LRIG2: variants seen among roughly 807,000 people sequenced by gnomAD.
LRIG2 encodes the protein leucine rich repeats and immunoglobulin like domains 2, also known as leucine-rich repeats and immunoglobulin-like domains protein 2.
LRIG2 carries 93 observed loss-of-function variants against 107.8 expected under a neutral mutation model. The ratio of observed to expected loss-of-function variants is 0.86; its 90% confidence interval spans 0.73 to 1.03. The LOEUF (loss-of-function observed/expected upper bound fraction) is 1.03, where lower values mean the gene tolerates loss of function less well. Ranked by LOEUF, LRIG2 falls within the 50% of genes least tolerant of loss-of-function variation. The pLI is 0.00. For synonymous variants in LRIG2, 471 were observed against 470.6 expected (o/e 1.00, Z -0.01); for missense variants, 1,226 against 1,296.0 (o/e 0.95, Z 0.83).
At chr1:113,110,622 G>C in intron 13 of LRIG2, 60 bp downstream of exon 13, 1 of 1,229,576 alleles carries the variant, frequency 8.1e-7, no homozygotes, top group South Asian at 1.4e-5. Context: ...GTTCAGTTTT[G>C]AATCACTTGA....
At position 113,114,473 on chromosome 1, in the gene LRIG2, A is replaced by G; in HGVS notation, c.2127A>G (p.Arg709=). The change falls in exon 15 of 18, where the codon CGA becomes CGG. Residue 709 remains arginine (R), a synonymous_variant. Transcript: ENST00000361127. ...IRPLEDKTVT[R]GETAVLQCIA... ...CCCTGGAGGATAAGACAGTAACACG[A>G]GGTGAAACTGCGGTGTTACAGTGCA... 1 of 1,613,562 alleles carries G rather than the reference A, an allele frequency of 6.2e-7. No individual in the cohort carries two copies. Among genetic ancestry groups the G allele is most frequent in the South Asian group, 1.1e-5 (1 of 91,028 alleles).
chr1:113,131,558 G>A lies in LRIG2; in HGVS notation c.*7457G>A, dbSNP rs939690515. 1.3e-5 allele frequency: 2 copies of A among 152,034 alleles called. No homozygotes were observed. The highest frequency in any genetic ancestry group is 6.6e-5 in the Admixed American group (1 of 15,266). 9.4% of individuals were successfully genotyped at this position (152,034 alleles called of 1,614,324 possible). ...AAGTAATGTTTCATTTTTCTATTACGTGATCTCTTTGCCCATACAGTTGGC... is the reference window on the plus strand; with the variant it reads ...AAGTAATGTTTCATTTTTCTATTACATGATCTCTTTGCCCATACAGTTGGC... On this transcript the variant is annotated 3_prime_UTR_variant, in exon 18 of 18. Coordinates refer to ENST00000361127, the MANE Select transcript of LRIG2 (RefSeq NM_014813.3).
Position 113,095,993 on chromosome 1 carries a change from A to T in LRIG2, c.923A>T (p.Glu308Val), listed in dbSNP as rs779850544. The T allele has an allele frequency of 6.2e-7, 1 of 1,614,216 alleles. No homozygotes were observed. Among genetic ancestry groups the T allele is most frequent in the South Asian group, 1.1e-5 (1 of 91,086 alleles). The change falls in exon 7 of 18, where the codon GAG becomes GTG. Residue 308 changes from glutamate (E) to valine (V), a missense_variant. Glu to Val is a moderately radical substitution (Grantham distance 121). Around this residue, in one of 3 missense-constraint regions of LRIG2, gnomAD observed 570 missense variants for 550.2 expected, o/e 1.04. Coordinates refer to ENST00000361127, the MANE Select transcript of LRIG2 (RefSeq NM_014813.3). ...AIERISPDAW[E>V]FCQRLSELDL... ...GAAAGAATCAGCCCTGATGCATGGG[A>T]GTTCTGCCAAAGACTATCCGAACTG...
intron 2 of LRIG2, among the ~76,000 whole-genome samples, 181 bp downstream of exon 2, chr1:113,091,564 G>T (rs1402711482): frequency 6.6e-6 from 1 of 152,162 alleles, no homozygotes; most frequent in Non-Finnish European, 1.5e-5. Flanking sequence ...GACTGTCTTG[G>T]CATTGGGTTG....
chr1:113,084,306 C>T (rs927034775), intron 1 of LRIG2, among the ~76,000 whole-genome samples: 2 of 148,982 alleles, frequency 1.3e-5, no homozygotes, highest in Non-Finnish European at 1.5e-5. Context: ...ACCTCTGCCT[C>T]CCGGGTTCAC....
At chr1:113,086,701 A>G (rs1325524133) in intron 1 of LRIG2, among the ~76,000 whole-genome samples, 1 of 152,224 alleles carries the variant, frequency 6.6e-6, no homozygotes, top group Non-Finnish European at 1.5e-5. Flanking sequence ...AAACGACTAC[A>G]TTAATGGCAC....
At chr1:113,090,032 G>T (rs1653734069) in intron 1 of LRIG2, among the ~76,000 whole-genome samples, 1 of 151,620 alleles carries the variant, frequency 6.6e-6, no homozygotes, top group Non-Finnish European at 1.5e-5. Flanking sequence ...CCCTATCAAG[G>T]ATGTGGTCAA....
At chr1:113,079,608 G>A (rs1453206026) in intron 1 of LRIG2, among the ~76,000 whole-genome samples, 36 of 150,164 alleles carry the variant, frequency 2.4e-4, no homozygotes, top group Middle Eastern at 3.4e-3. Context: ...GCTTGAGCCC[G>A]GGAGGCAGAG....
At chr1:113,098,597 G>A in intron 8 of LRIG2, 108 bp from the exon 9 acceptor site, 1 of 687,078 alleles carries the variant, frequency 1.5e-6, no homozygotes, top group East Asian at 2.5e-5. Flanking sequence ...GTTAAAGTAA[G>A]GATCAGAATT....
chr1:113,098,587 G>T, intron 8 of LRIG2, 118 bp from the exon 9 acceptor site: 1 of 660,432 alleles, frequency 1.5e-6, no homozygotes. Context: ...ATAAATAACT[G>T]TTAAAGTAAG....
chr1:113,083,992 TAAAGTATAATA>T (rs2101021648), intron 1 of LRIG2, among the ~76,000 whole-genome samples: 1 of 114,860 alleles, frequency 8.7e-6, no homozygotes, highest in South Asian at 3.1e-4. Context: ...CCCTAGAACT[TAAAGTATAATA>T]ATAATAATAA....
At position 113,093,544 on chromosome 1, in the gene LRIG2, T is replaced by A. The variant is rs1653917467; in HGVS notation, c.495T>A (p.Pro165=). The part of the protein sequence containing the change: ...IISEIKTSSF[P]RMQLKYLNLS... ...CAGAAATCAAGACATCTTCATTTCC[T>A]CGCATGCAGCTTAAATACCTGTAAG... The change falls in exon 4 of 18, where the codon CCT becomes CCA. Residue 165 remains proline, a synonymous_variant. Coordinates refer to ENST00000361127, the MANE Select transcript of LRIG2 (RefSeq NM_014813.3). The A allele has an allele frequency of 6.2e-7, 1 of 1,605,976 alleles. No homozygotes were observed.
chr1:113,110,310 A>T lies in LRIG2; in HGVS notation c.1546A>T (p.Thr516Ser), dbSNP rs754296829. ...AATTGCTCTAAGAGGCATGAATGTG[A>T]CTCTGACGTGCACTGCAGTGAGCAG... ...TIIALRGMNV[T>S]LTCTAVSSSD... Residue 516 changes from threonine to serine, a missense_variant, in exon 13 of 18, where the codon ACT (threonine) becomes TCT (serine). Around this residue, in one of 3 missense-constraint regions of LRIG2, gnomAD observed 642 missense variants for 712.2 expected, o/e 0.90. Coordinates refer to ENST00000361127, the MANE Select transcript of LRIG2 (RefSeq NM_014813.3). The T allele has an allele frequency of 7.4e-6, 12 of 1,613,920 alleles. No homozygotes were observed. Among genetic ancestry groups the T allele is most frequent in the Non-Finnish European group, 1.0e-5 (12 of 1,179,956 alleles).
chr1:113,074,135 GT>G (rs1182316883), intron 1 of LRIG2, among the ~76,000 whole-genome samples: 3 of 152,294 alleles, frequency 2.0e-5, no homozygotes, highest in South Asian at 4.1e-4. Flanking sequence ...TAGTTCGCAT[GT>G]TGGCTGATTT....
chr1:113,078,765 C>A (rs191504569), intron 1 of LRIG2, among the ~76,000 whole-genome samples: 1 of 151,728 alleles, frequency 6.6e-6, no homozygotes. Context: ...CTCAGCCTCC[C>A]GAGTAGCTGG....
chr1:113,096,255 T>C lies in LRIG2; in HGVS notation c.981T>C (p.Asp327=), dbSNP rs776238599. ...CCTATAACCAGCTGACCCGCCTGGA[T>C]GAATCTGCCTTTGTGGGTCTGAGCT... ...DLSYNQLTRL[D]ESAFVGLSLL... Residue 327 remains aspartate, a synonymous_variant, in exon 8 of 18, where the codon GAT becomes GAC. Coordinates refer to ENST00000361127, the MANE Select transcript of LRIG2 (RefSeq NM_014813.3). 2.5e-6 allele frequency: 4 copies of C among 1,614,100 alleles called. No individual in the cohort carries two copies. In the East Asian group the frequency reaches 8.9e-5, roughly 36 times the overall value.
Position 113,116,436 on chromosome 1 carries a change from G to A in LRIG2, c.2680G>A (p.Gly894Ser), listed in dbSNP as rs199798779. 19 of 1,502,972 alleles carry A rather than the reference G, an allele frequency of 1.3e-5. No homozygotes were observed. The East Asian group carries it at 3.5e-4, about 28-fold the overall frequency. The allele number at this position is 1,502,972 out of a possible 1,614,324, so 93.1% of individuals were successfully genotyped here. A position where few individuals can be genotyped will look rare whatever the true frequency, so the allele number is the denominator to read the frequency against. Residue 894 changes from glycine (G) to serine (S), a missense_variant and splice_region_variant, in exon 16 of 18, where the codon GGT (glycine) becomes AGT (serine). Gly to Ser is a moderately conservative substitution (Grantham distance 56). This residue lies in a region of LRIG2 where 642 missense variants were observed against 712.2 expected (regional missense o/e 0.90). Coordinates refer to ENST00000361127, the MANE Select transcript of LRIG2 (RefSeq NM_014813.3). ...ANGYIHKGTD[G>S]GTGTRVICSD... Reference sequence around the variant, plus strand: ...TGGATATATACACAAAGGCACTGACGGTAATGACTCTGTTGTTTATGGTTA... The same window carrying A: ...TGGATATATACACAAAGGCACTGACAGTAATGACTCTGTTGTTTATGGTTA...
chr1:113,116,621 C>A (rs1407024644), intron 16 of LRIG2, among the ~76,000 whole-genome samples, 185 bp downstream of exon 16: 1 of 152,186 alleles, frequency 6.6e-6, no homozygotes, highest in Non-Finnish European at 1.5e-5. Flanking sequence ...AATCATCTTA[C>A]AGAGTGGAGA....
chr1:113,103,885 T>C (rs1239935192), intron 11 of LRIG2: 2 of 152,362 alleles, frequency 1.3e-5, no homozygotes, highest in Admixed American at 6.5e-5. Context: ...CTTGAAGGTC[T>C]TCTTCCTGGC....
Sources: allele counts gnomAD v4.1 joint callset (sites outside exome capture counted in the v4.1 genomes callset), GRCh38; gene constraint gnomAD v4.1.1; regional missense constraint gnomAD v4.1.1; transcripts MANE v1.5; gene names NCBI Gene and HGNC (gene_info 2026-07-23, HGNC 2026-07-21).